LNP1: variants seen among roughly 807,000 people sequenced by gnomAD.
LNP1 encodes leukemia NUP98 fusion partner 1.
LNP1 carries 12 observed loss-of-function variants against 14.5 expected under a neutral mutation model. That is an observed-to-expected ratio of 0.83 (90% CI 0.53 to 1.34). The LOEUF is 1.34. Ranked by LOEUF, LNP1 falls within the 40% of genes most tolerant of loss-of-function variation. LNP1 has a pLI of 0.00. For synonymous variants in LNP1, 75 were observed against 71.4 expected (o/e 1.05, Z -0.26); for missense variants, 198 against 210.9 (o/e 0.94, Z 0.38).
chr3:100,406,647 G>C (rs1169836316), intron 1 of LNP1, among the ~76,000 whole-genome samples: 1 of 152,068 alleles, frequency 6.6e-6, no homozygotes, highest in Non-Finnish European at 1.5e-5. Flanking sequence ...CGATTCTCCT[G>C]CCTCAGCCTC....
Position 100,416,501 on chromosome 3 carries a change from C to A in LNP1, c.-33-13196C>A, listed in dbSNP as rs79737122. ...TTAATGAGAATTGGCATTTCAAGGC[C>A]ATAATCTGGGTGTTCATTGCATTTG... is the stretch of plus-strand genomic sequence containing the variant. On this transcript the variant is annotated intron_variant, in intron 1 of 3. Transcript: ENST00000383693. Among the ~76,000 whole-genome samples the A allele has an allele frequency of 2.0e-3, 296 of 151,764 alleles. 1 individual carries two copies. Among genetic ancestry groups the A allele is most frequent in the African/African-American group, 6.9e-3 (284 of 41,368 alleles).
chr3:100,451,930 C>A lies in LNP1; in HGVS notation c.368C>A (p.Thr123Asn). 2 of 1,612,596 alleles carry A rather than the reference C, an allele frequency of 1.2e-6. No homozygotes were observed. Among genetic ancestry groups the A allele is most frequent in the Non-Finnish European group, 1.7e-6 (2 of 1,179,204 alleles). ...TTTGAACGGCAACTGTGCTTTAGAA[C>A]CAAGCGTTCTGCCTCTTTGGTATGT... Reference protein sequence around the residue: ...ESFERQLCFRTKRSASLGPES... With the variant: ...ESFERQLCFRNKRSASLGPES... Residue 123 changes from threonine (T) to asparagine (N), a missense_variant, in exon 3 of 4, where the codon ACC (threonine) becomes AAC (asparagine). Thr to Asn is a moderately conservative substitution (Grantham distance 65). Coordinates refer to ENST00000383693, the MANE Select transcript of LNP1 (RefSeq NM_001085451.2).
intron 2 of LNP1, among the ~76,000 whole-genome samples, chr3:100,446,984 C>T (rs1707394325): frequency 6.6e-6 from 1 of 151,330 alleles, no homozygotes; most frequent in African/African-American, 2.5e-5. Context: ...GATAGGAATG[C>T]TTTTACACTG....
At chr3:100,426,107 G>A (rs1204249475) in intron 1 of LNP1, among the ~76,000 whole-genome samples, 1 of 152,218 alleles carries the variant, frequency 6.6e-6, no homozygotes, top group Non-Finnish European at 1.5e-5. Context: ...GCTTTTGACA[G>A]GGTTCTTGGG....
At chr3:100,422,224 C>T (rs1167705539) in intron 1 of LNP1, among the ~76,000 whole-genome samples, 1 of 149,700 alleles carries the variant, frequency 6.7e-6, no homozygotes, top group Non-Finnish European at 1.5e-5. Context: ...TGCTTAGTCG[C>T]CCAGGCTGGA....
rs372987884 is a variant in LNP1, at chr3:100,409,843, C to T, written c.-34+7404C>T. Among the ~76,000 whole-genome samples, 4 of 151,710 alleles carry T rather than the reference C, an allele frequency of 2.6e-5. No individual in the cohort carries two copies. In the East Asian group the frequency reaches 7.8e-4, roughly 30 times the overall value. On this transcript the variant is annotated intron_variant, in intron 1 of 3. Coordinates refer to ENST00000383693, the MANE Select transcript of LNP1 (RefSeq NM_001085451.2). ...CTCCTGACCTCAGGCGATCTACCCACCGCAGCCTCCCAAAGTGCTAGGATT... is the reference window on the plus strand; with the variant it reads ...CTCCTGACCTCAGGCGATCTACCCATCGCAGCCTCCCAAAGTGCTAGGATT...
intron 2 of LNP1, among the ~76,000 whole-genome samples, chr3:100,430,567 G>C (rs952263602): frequency 6.6e-6 from 1 of 152,176 alleles, no homozygotes; most frequent in African/African-American, 2.4e-5. Flanking sequence ...ATGCTAGAAG[G>C]CTCCACAGTA....
intron 1 of LNP1, among the ~76,000 whole-genome samples, chr3:100,409,642 G>T (rs1458077306): frequency 1.4e-5 from 2 of 143,446 alleles, no homozygotes; most frequent in East Asian, 4.0e-4. Flanking sequence ...TTATAGCCCA[G>T]GCCAGAGTGC....
At chr3:100,406,389 C>T (rs905256539) in intron 1 of LNP1, among the ~76,000 whole-genome samples, 1 of 152,040 alleles carries the variant, frequency 6.6e-6, no homozygotes, top group Non-Finnish European at 1.5e-5. Context: ...AGAAACTGTT[C>T]ATTTTGTACA....
intron 2 of LNP1, 127 bp from the exon 3 acceptor site, chr3:100,451,592 C>T: frequency 1.7e-6 from 1 of 601,654 alleles, no homozygotes; most frequent in East Asian, 2.8e-5. Context: ...TTTTATTTTC[C>T]TTTCACAAAG....
intron 2 of LNP1, among the ~76,000 whole-genome samples, chr3:100,439,988 C>T (rs1260673844): frequency 6.6e-6 from 1 of 152,164 alleles, no homozygotes; most frequent in Non-Finnish European, 1.5e-5. Context: ...GTGGCTTAAA[C>T]AGGAGAAATT....
At chr3:100,444,648 G>A (rs1215381046) in intron 2 of LNP1, among the ~76,000 whole-genome samples, 2 of 152,110 alleles carry the variant, frequency 1.3e-5, no homozygotes, top group Non-Finnish European at 2.9e-5. Context: ...AGGTCATTGT[G>A]AAATAAGTCA....
chr3:100,411,241 C>T (rs1226510285), intron 1 of LNP1, among the ~76,000 whole-genome samples: 4 of 152,186 alleles, frequency 2.6e-5, no homozygotes, highest in African/African-American at 9.7e-5. Flanking sequence ...TATGCCTTGT[C>T]CCATCATATT....
intron 2 of LNP1, among the ~76,000 whole-genome samples, chr3:100,431,714 G>T (rs186986906): frequency 6.6e-6 from 1 of 150,952 alleles, no homozygotes; most frequent in East Asian, 1.9e-4. Context: ...TACTTTTGGC[G>T]TGGTGCCATG....
intron 2 of LNP1, among the ~76,000 whole-genome samples, chr3:100,449,884 A>C (rs1707422111): frequency 6.6e-6 from 1 of 152,192 alleles, no homozygotes; most frequent in Admixed American, 6.5e-5. Flanking sequence ...TAAGAAACAA[A>C]ACCCAGGCTG....
intron 1 of LNP1, among the ~76,000 whole-genome samples, chr3:100,419,923 A>T (rs1301178334): frequency 1.3e-5 from 2 of 152,114 alleles, no homozygotes; most frequent in Non-Finnish European, 2.9e-5. Context: ...TGGTAGATGT[A>T]TTTTTTGTTT....
chr3:100,443,004 T>C (rs1286168843), intron 2 of LNP1, among the ~76,000 whole-genome samples: 5 of 152,166 alleles, frequency 3.3e-5, no homozygotes, highest in Non-Finnish European at 7.4e-5. Context: ...GGAAAATCAA[T>C]ATTGGTCACA....
intron 2 of LNP1, among the ~76,000 whole-genome samples, chr3:100,436,853 G>A (rs9809742): frequency 0.014 from 2,154 of 152,128 alleles, 26 homozygotes; most frequent in African/African-American, 0.04. Flanking sequence ...TGGCCTAATG[G>A]GATTAATATC....
At chr3:100,440,269 T>G (rs1015203954) in intron 2 of LNP1, among the ~76,000 whole-genome samples, 1 of 152,190 alleles carries the variant, frequency 6.6e-6, no homozygotes, top group African/African-American at 2.4e-5. Flanking sequence ...TCAGAGCTGT[T>G]GGGGGTTAGG....
Sources: gnomAD v4.1 joint callset for allele counts (sites outside exome capture counted in the v4.1 genomes callset) on GRCh38, gnomAD v4.1.1 for gene constraint, MANE v1.5 for transcripts, NCBI Gene and HGNC (gene_info 2026-07-23, HGNC 2026-07-21) for gene names.